BTBD7: variants seen among roughly 807,000 people sequenced by gnomAD.
The protein encoded by BTBD7 is BTB domain containing 7.
BTBD7 carries 38 observed loss-of-function variants against 99.9 expected under a neutral mutation model. That is an observed-to-expected ratio of 0.38 (90% CI 0.29 to 0.50). BTBD7 has a LOEUF of 0.50. BTBD7 is among the 20% of genes least tolerant of loss of function. The pLI is 0.93. For synonymous variants in BTBD7, 520 were observed against 511.4 expected (o/e 1.02, Z -0.23); for missense variants, 1,170 against 1,394.6 (o/e 0.84, Z 2.57).
At chr14:93,306,088 T>C (rs1308485967) in intron 1 of BTBD7, among the ~76,000 whole-genome samples, 1 of 152,128 alleles carries the variant, frequency 6.6e-6, no homozygotes, top group Non-Finnish European at 1.5e-5. Flanking sequence ...ACATCTATAA[T>C]AAAAAATTAA....
At chr14:93,295,911 G>C in intron 2 of BTBD7, 59 bp downstream of exon 2, 1 of 1,533,970 alleles carries the variant, frequency 6.5e-7, no homozygotes, top group Non-Finnish European at 9.0e-7. Context: ...AGAGACTACC[G>C]AAAACACAAT....
intron 3 of BTBD7, among the ~76,000 whole-genome samples, chr14:93,290,985 T>A (rs2139761085): frequency 7.1e-6 from 1 of 141,654 alleles, no homozygotes; most frequent in South Asian, 2.4e-4. Context: ...GTGCTAGGCC[T>A]AGTTTTTTTT....
At chr14:93,246,713 T>C (rs1231799017) in intron 9 of BTBD7, among the ~76,000 whole-genome samples, 5 of 152,246 alleles carry the variant, frequency 3.3e-5, no homozygotes, top group African/African-American at 1.2e-4. Context: ...AACTACAAAA[T>C]ACTATTCATT....
chr14:93,293,595 C>T (rs74632831), intron 3 of BTBD7, among the ~76,000 whole-genome samples: 2,494 of 152,172 alleles, frequency 0.016, 73 homozygotes, highest in African/African-American at 0.058. Flanking sequence ...CCATACCTAT[C>T]GTCTTACATT....
At chr14:93,295,831 T>G in intron 2 of BTBD7, 139 bp downstream of exon 2, 2 of 740,816 alleles carry the variant, frequency 2.7e-6, no homozygotes, top group Non-Finnish European at 4.3e-6. Flanking sequence ...GATTTACGTT[T>G]GTTGGGGGAA....
intron 4 of BTBD7, 43 bp downstream of exon 4, chr14:93,263,742 G>A (rs745439570): frequency 2.6e-5 from 40 of 1,550,592 alleles, no homozygotes; most frequent in Admixed American, 6.7e-5. Context: ...GTTTCTTGGC[G>A]CACATATGAA....
intron 1 of BTBD7, among the ~76,000 whole-genome samples, chr14:93,314,985 T>C (rs1047800461): frequency 1.8e-4 from 27 of 152,228 alleles, no homozygotes; most frequent in Admixed American, 6.5e-5. Context: ...CGGAAAATAT[T>C]CATACGGGCC....
chr14:93,313,936 G>A (rs551094192), intron 1 of BTBD7, among the ~76,000 whole-genome samples: 68 of 151,354 alleles, frequency 4.5e-4, no homozygotes, highest in African/African-American at 1.6e-3. Context: ...TGGTACAGAC[G>A]GGTCTCACTA....
At position 93,240,511 on chromosome 14, in the gene BTBD7, T is replaced by C. The variant is rs2052212980; in HGVS notation, c.*1762A>G. On this transcript the variant is annotated 3_prime_UTR_variant, in exon 11 of 11. Coordinates refer to ENST00000334746, the MANE Select transcript of BTBD7 (RefSeq NM_001002860.4). ...CTCATAAACGCTCCCTAGCCCTGCA[T>C]AGTTTTCGAGTGAGTGTGAGTGATT... 2.0e-5 allele frequency: 3 copies of C among 152,606 alleles called. No homozygotes were observed. Among genetic ancestry groups the C allele is most frequent in the African/African-American group, 4.8e-5 (2 of 41,444 alleles). The allele number at this position is 152,606 out of a possible 1,614,324, so 9.5% of individuals were successfully genotyped here.
chr14:93,330,796 T>A (rs1280669464), intron 1 of BTBD7, among the ~76,000 whole-genome samples: 2 of 152,148 alleles, frequency 1.3e-5, no homozygotes, highest in Non-Finnish European at 2.9e-5. Context: ...TTCCGAAGGT[T>A]TACCTGAGAC....
intron 3 of BTBD7, among the ~76,000 whole-genome samples, chr14:93,283,424 A>C (rs1351359879): frequency 6.6e-6 from 1 of 152,234 alleles, no homozygotes; most frequent in East Asian, 1.9e-4. Flanking sequence ...CATTTAATGG[A>C]TTCTACTACA....
At chr14:93,329,943 T>A (rs967594959) in intron 1 of BTBD7, among the ~76,000 whole-genome samples, 4 of 152,192 alleles carry the variant, frequency 2.6e-5, no homozygotes, top group Admixed American at 6.5e-5. Flanking sequence ...TAAAAATGGT[T>A]AAGATGGTAA....
intron 1 of BTBD7, among the ~76,000 whole-genome samples, chr14:93,300,854 GATCT>G (rs541573043): frequency 7.3e-5 from 11 of 150,616 alleles, no homozygotes; most frequent in African/African-American, 9.8e-5. Context: ...GAGCTCAAGT[GATCT>G]ATCTATCTTG....
chr14:93,317,896 AG>A (rs2139816736), intron 1 of BTBD7, among the ~76,000 whole-genome samples: 1 of 152,362 alleles, frequency 6.6e-6, no homozygotes, highest in East Asian at 1.9e-4. Flanking sequence ...CACCCTGGGC[AG>A]TGAGTCTCTT....
In BTBD7 at chr14:93,240,225, C is replaced by T. The variant is rs537944757; in HGVS notation, c.*2048G>A. ...CACCACCAGTGTCACCGAGCGCACC[C>T]GCACAGCAGCTAACCAGTCAGGCAG... is the stretch of plus-strand genomic sequence containing the variant. On this transcript the variant is annotated 3_prime_UTR_variant, in exon 11 of 11. Transcript: ENST00000334746. The T allele has an allele frequency of 9.8e-5, 15 of 152,778 alleles. No homozygotes were observed. The East Asian group carries it at 2.3e-3, about 24-fold the overall frequency. The allele number at this position is 152,778 out of a possible 1,614,324, so 9.5% of individuals were successfully genotyped here.
intron 5 of BTBD7, among the ~76,000 whole-genome samples, chr14:93,261,175 C>T (rs2052485753): frequency 6.6e-6 from 1 of 152,196 alleles, no homozygotes; most frequent in African/African-American, 2.4e-5. Context: ...TCACATAACA[C>T]AAAATTTATT....
At chr14:93,324,626 C>T (rs543462397) in intron 1 of BTBD7, among the ~76,000 whole-genome samples, 142 of 152,262 alleles carry the variant, frequency 9.3e-4, no homozygotes, top group Non-Finnish European at 1.5e-3. Flanking sequence ...CCCTTGTGAT[C>T]CCAAGACAGC....
intron 1 of BTBD7, among the ~76,000 whole-genome samples, chr14:93,329,374 A>G (rs963155215): frequency 3.9e-5 from 6 of 152,212 alleles, no homozygotes; most frequent in African/African-American, 1.4e-4. Context: ...CAAACAGCAA[A>G]TAACAAGTAT....
chr14:93,241,106 T>C lies in BTBD7; in HGVS notation c.*1167A>G, dbSNP rs1400625825. ...AGAGTTGACGCTCAGAACCAGAAAT[T>C]CTGTCAGTGTGACCTTTAAGTTACT... On this transcript the variant is annotated 3_prime_UTR_variant, in exon 11 of 11. Transcript: ENST00000334746. 6.6e-6 allele frequency: 1 copy of C among 151,914 alleles called. No individual in the cohort carries two copies. The highest frequency in any genetic ancestry group is 1.5e-5 in the Non-Finnish European group (1 of 68,022). 9.4% of individuals were successfully genotyped at this position (151,914 alleles called of 1,614,324 possible). A position where few individuals can be genotyped will look rare whatever the true frequency, so the allele number is the denominator to read the frequency against.
Sources: allele counts gnomAD v4.1 joint callset (sites outside exome capture counted in the v4.1 genomes callset), GRCh38; gene constraint gnomAD v4.1.1; transcripts MANE v1.5; gene names NCBI Gene and HGNC (gene_info 2026-07-23, HGNC 2026-07-21).